Variants in FTCDNL1 observed in about 807,000 individuals in gnomAD.
FTCDNL1 encodes the protein formiminotransferase N-terminal subdomain-containing protein.
FTCDNL1 carries 11 observed loss-of-function variants against 5.9 expected under a neutral mutation model. That is an observed-to-expected ratio of 1.87 (90% CI 1.18 to 3.10). The LOEUF is 3.10. Ranked by LOEUF, FTCDNL1 falls within the 30% of genes most tolerant of loss-of-function variation. The pLI is 0.00. For missense variants in FTCDNL1, 115 were observed against 65.5 expected (o/e 1.76, Z -2.61); for synonymous variants, 58 against 24.8 (o/e 2.34, Z -3.99).
At chr2:199,753,163 G>A in the FTCDNL1 span, among the ~76,000 whole-genome samples, 2 of 152,210 alleles carry the variant, frequency 1.3e-5, no homozygotes, top group African/African-American at 4.8e-5. Context: ...GATAGCTGCT[G>A]TGTCCCATTA....
the FTCDNL1 span, among the ~76,000 whole-genome samples, chr2:199,714,843 G>GA: frequency 9.3e-5 from 14 of 149,856 alleles, no homozygotes; most frequent in African/African-American, 3.2e-4. Context: ...CTACCGCAAG[G>GA]AAAAAAACCA....
the FTCDNL1 span, among the ~76,000 whole-genome samples, chr2:199,748,592 C>T: frequency 1.3e-5 from 2 of 152,184 alleles, no homozygotes; most frequent in Non-Finnish European, 2.9e-5. Context: ...TTTGCACTAT[C>T]AATCCCATCC....
intron 1 of FTCDNL1, among the ~76,000 whole-genome samples, 184 bp from the exon 2 acceptor site, chr2:199,849,153 A>G (rs2076808448): frequency 6.6e-6 from 1 of 152,254 alleles, no homozygotes; most frequent in Admixed American, 6.5e-5. Flanking sequence ...AACCATGTGT[A>G]CATGGTCACA....
downstream of FTCDNL1, among the ~76,000 whole-genome samples, chr2:199,805,247 C>A (rs961095563): frequency 2.0e-5 from 3 of 152,146 alleles, no homozygotes; most frequent in Non-Finnish European, 4.4e-5. Context: ...ATTGGCAGAG[C>A]CTAATAGGGA....
At chr2:199,727,910 G>A in the FTCDNL1 span, among the ~76,000 whole-genome samples, 8 of 151,992 alleles carry the variant, frequency 5.3e-5, no homozygotes, top group African/African-American at 1.2e-4. Flanking sequence ...CCACATACCC[G>A]TGTGACTTGG....
intron 3 of FTCDNL1, among the ~76,000 whole-genome samples, chr2:199,799,224 C>T (rs570922402): frequency 5.9e-5 from 9 of 152,194 alleles, no homozygotes; most frequent in African/African-American, 2.2e-4. Flanking sequence ...ACTTGGCAAT[C>T]GTAAAGCTGA....
At chr2:199,683,460 G>A in the FTCDNL1 span, among the ~76,000 whole-genome samples, 5,063 of 151,724 alleles carry the variant, frequency 0.033, 404 homozygotes, top group East Asian at 0.26. Flanking sequence ...GTACCATGTA[G>A]AGGCACATTA....
At chr2:199,786,435 C>T (rs374637261) in intron 3 of FTCDNL1, among the ~76,000 whole-genome samples, 2 of 152,038 alleles carry the variant, frequency 1.3e-5, no homozygotes, top group African/African-American at 4.8e-5. Flanking sequence ...AAGGTATTTG[C>T]ATGTTTTTCC....
chr2:199,763,338 A>G (rs1280123574), intron 3 of FTCDNL1, among the ~76,000 whole-genome samples: 1 of 152,110 alleles, frequency 6.6e-6, no homozygotes, highest in African/African-American at 2.4e-5. Context: ...AGTTTTGCAG[A>G]GCCTTTTACA....
At chr2:199,846,763 AT>A (rs2076743561) in intron 2 of FTCDNL1, among the ~76,000 whole-genome samples, 1 of 152,194 alleles carries the variant, frequency 6.6e-6, no homozygotes, top group South Asian at 2.1e-4. Flanking sequence ...TCTCTTGAAT[AT>A]GTGTAACCTG....
chr2:199,679,519 C>T, the FTCDNL1 span, among the ~76,000 whole-genome samples: 2 of 152,074 alleles, frequency 1.3e-5, no homozygotes, highest in Middle Eastern at 3.4e-3. Context: ...CTTTTTTCCT[C>T]GTTTTTGGGT....
the FTCDNL1 span, among the ~76,000 whole-genome samples, chr2:199,733,342 A>G: frequency 6.6e-6 from 1 of 152,226 alleles, no homozygotes; most frequent in Admixed American, 6.5e-5. Context: ...TGTGAAGAGT[A>G]CCATAGACTG....
intron 3 of FTCDNL1, among the ~76,000 whole-genome samples, chr2:199,778,089 A>G (rs1004249794): frequency 6.6e-6 from 1 of 152,196 alleles, no homozygotes; most frequent in Non-Finnish European, 1.5e-5. Flanking sequence ...CAAAACATTC[A>G]ATCTGTAATC....
At chr2:199,836,988 A>G (rs1038501390) in intron 3 of FTCDNL1, among the ~76,000 whole-genome samples, 2 of 152,194 alleles carry the variant, frequency 1.3e-5, no homozygotes, top group African/African-American at 4.8e-5. Context: ...GTTGTAGCAG[A>G]GCCACAGTAA....
chr2:199,845,506 G>A (rs1180070343), intron 3 of FTCDNL1, among the ~76,000 whole-genome samples: 1 of 152,082 alleles, frequency 6.6e-6, no homozygotes, highest in Non-Finnish European at 1.5e-5. Context: ...CGGAGGCAGA[G>A]GTTGCAGTGA....
At chr2:199,831,934 T>C (rs192380809) in intron 3 of FTCDNL1, among the ~76,000 whole-genome samples, 133 of 152,244 alleles carry the variant, frequency 8.7e-4, no homozygotes, top group African/African-American at 3.0e-3. Context: ...ACTGGACCTA[T>C]CTACTCTCCT....
intron 2 of FTCDNL1, among the ~76,000 whole-genome samples, chr2:199,848,584 G>A (rs752855555): frequency 2.0e-5 from 3 of 152,220 alleles, no homozygotes; most frequent in South Asian, 2.1e-4. Context: ...TGAACAACAC[G>A]CATCTCAGAG....
chr2:199,828,903 T>A (rs1702193461), intron 3 of FTCDNL1, among the ~76,000 whole-genome samples: 1 of 152,162 alleles, frequency 6.6e-6, no homozygotes, highest in South Asian at 2.1e-4. Flanking sequence ...AGAAGAGAGT[T>A]CAACACCAGT....
At chr2:199,697,642 A>T in the FTCDNL1 span, among the ~76,000 whole-genome samples, 1 of 152,196 alleles carries the variant, frequency 6.6e-6, no homozygotes, top group Non-Finnish European at 1.5e-5. Flanking sequence ...GCTAAACATA[A>T]AAATAAAAGA....
Sources: gnomAD v4.1 joint callset for allele counts (sites outside exome capture counted in the v4.1 genomes callset) on GRCh38, gnomAD v4.1.1 for gene constraint, MANE v1.5 for transcripts, NCBI Gene and HGNC (gene_info 2026-07-23, HGNC 2026-07-21) for gene names.